The following DSG2 variants were observed in gnomAD, a reference collection of about 807,000 sequenced individuals.
The protein encoded by DSG2 is desmoglein-2.
A neutral mutation model predicts 75.6 loss-of-function variants in DSG2; 45 were observed. The observed-to-expected ratio is 0.60, with a 90% confidence interval of 0.47 to 0.76. DSG2 has a LOEUF of 0.76. Among genes scored for constraint, DSG2 ranks in the 30% least tolerant of loss-of-function variants. The probability of loss-of-function intolerance (pLI) is 0.00; values close to 1 mark genes in which losing one functional copy is unlikely to be tolerated. For missense variants in DSG2, 1,267 were observed against 1,357.4 expected (o/e 0.93, Z 1.05); for synonymous variants, 429 against 483.9 (o/e 0.89, Z 1.49).
At chr18:31,541,760 G>C (rs903258192) in intron 13 of DSG2, among the ~76,000 whole-genome samples, 6 of 152,084 alleles carry the variant, frequency 3.9e-5, no homozygotes, top group African/African-American at 1.4e-4. Flanking sequence ...TCTCTCTGTT[G>C]CACCTTCACC....
At chr18:31,510,585 T>C (rs1207114950) in intron 1 of DSG2, among the ~76,000 whole-genome samples, 1 of 151,412 alleles carries the variant, frequency 6.6e-6, no homozygotes, top group Non-Finnish European at 1.5e-5. Context: ...CTCATGCCTC[T>C]GCAGGAAAAA....
chr18:31,531,891 G>C (rs913621380), intron 9 of DSG2, among the ~76,000 whole-genome samples: 2 of 152,170 alleles, frequency 1.3e-5, no homozygotes, highest in African/African-American at 4.8e-5. Context: ...AATTTTCAAA[G>C]TAAATTTACA....
chr18:31,542,969 T>C, intron 14 of DSG2, 117 bp downstream of exon 14: 1 of 970,760 alleles, frequency 1.0e-6, no homozygotes, highest in Non-Finnish European at 1.5e-6. Context: ...GTTTTTTTTT[T>C]TTTTCTTTTT....
chr18:31,509,639 AAGAAG>A (rs1453195610), intron 1 of DSG2, among the ~76,000 whole-genome samples: 1 of 152,226 alleles, frequency 6.6e-6, no homozygotes, highest in Non-Finnish European at 1.5e-5. Flanking sequence ...AAATAAGATT[AAGAAG>A]AGAAAAGTGC....
chr18:31,533,855 C>A (rs1289403001), intron 9 of DSG2, among the ~76,000 whole-genome samples: 1 of 152,128 alleles, frequency 6.6e-6, no homozygotes, highest in African/African-American at 2.4e-5. Flanking sequence ...TCCTGTGTGC[C>A]TCGAAGCCAC....
chr18:31,526,957 C>G (rs1204855813), intron 8 of DSG2, among the ~76,000 whole-genome samples: 3 of 152,012 alleles, frequency 2.0e-5, no homozygotes, highest in Non-Finnish European at 4.4e-5. Context: ...AAGAAAGTTT[C>G]ATTTTTTTTT....
In DSG2 at chr18:31,545,804, G is replaced by C. The variant is rs751831001; in HGVS notation, c.2418G>C (p.Ser806=). Residue 806 remains serine (S), a synonymous_variant, in exon 15 of 15, where the codon TCG becomes TCC. Transcript: ENST00000261590. ...LLVYSQEETE[S]LNASIGCCSF... is the part of the protein sequence containing the mutation. ...TTTATTCTCAGGAAGAAACTGAATC[G>C]CTGAATGCTTCTATTGGTTGTTGCA... 1.9e-6 allele frequency: 3 copies of C among 1,614,174 alleles called. No individual in the cohort carries two copies.
In DSG2 at chr18:31,519,944, C is replaced by T; in HGVS notation, c.216+7C>T. ...GAAGAATCCAATTGCCAAGGTACCT[C>T]CTAAAGAGGAACATGAAATACATGC... On this transcript the variant is annotated splice_region_variant and intron_variant, in intron 3 of 14. Coordinates refer to ENST00000261590, the MANE Select transcript of DSG2 (RefSeq NM_001943.5). 6.2e-7 allele frequency: 1 copy of T among 1,614,020 alleles called. No individual in the cohort carries two copies. The highest frequency in any genetic ancestry group is 8.5e-7 in the Non-Finnish European group (1 of 1,180,012).
intron 8 of DSG2, among the ~76,000 whole-genome samples, chr18:31,529,259 T>C (rs1297953486): frequency 6.6e-6 from 1 of 152,198 alleles, no homozygotes; most frequent in Non-Finnish European, 1.5e-5. Flanking sequence ...TCCATTTGCT[T>C]TGGAGCATTA....
chr18:31,519,207 G>A (rs898919724), intron 2 of DSG2, among the ~76,000 whole-genome samples: 26 of 152,144 alleles, frequency 1.7e-4, no homozygotes, highest in Admixed American at 5.2e-4. Flanking sequence ...GCTACTAAAT[G>A]ATTCTTTAAA....
Position 31,546,372 on chromosome 18 carries a change from G to C in DSG2, c.2986G>C (p.Gly996Arg). 6.2e-7 allele frequency: 1 copy of C among 1,614,056 alleles called. No homozygotes were observed. The highest frequency in any genetic ancestry group is 2.2e-5 in the East Asian group (1 of 44,882). The stretch of plus-strand genomic sequence containing the variant: ...CACTGAAAGAGTAATACAGCCTCAT[G>C]GGGGTGGATCGAATCCTCTGGAAGG... ...VVTERVIQPH[G>R]GGSNPLEGTQ... The change falls in exon 15 of 15, where the codon GGG (glycine) becomes CGG (arginine). Residue 996 changes from glycine (G) to arginine (R), a missense_variant. Gly to Arg is a moderately radical substitution (Grantham distance 125). Transcript: ENST00000261590.
At chr18:31,514,306 A>G (rs953596937) in intron 1 of DSG2, among the ~76,000 whole-genome samples, 2 of 152,246 alleles carry the variant, frequency 1.3e-5, no homozygotes, top group Non-Finnish European at 1.5e-5. Context: ...AAGTAAAAAC[A>G]TATTTTAAAA....
intron 8 of DSG2, among the ~76,000 whole-genome samples, chr18:31,530,318 T>C (rs1453490266): frequency 6.6e-6 from 1 of 152,166 alleles, no homozygotes; most frequent in Non-Finnish European, 1.5e-5. Context: ...ATAGAACACA[T>C]TTTAAGGAAT....
rs2073134413 is a variant in DSG2 at position 31,522,419 on chromosome 18, T to C, written c.690+170T>C. 3.1e-6 allele frequency: 2 copies of C among 643,150 alleles called. No individual in the cohort carries two copies. The highest frequency in any genetic ancestry group is 2.9e-5 in the East Asian group (1 of 34,708). 39.8% of individuals were successfully genotyped at this position (643,150 alleles called of 1,614,324 possible). A position where few individuals can be genotyped will look rare whatever the true frequency, so the allele number is the denominator to read the frequency against. ...CTGTCCAATATGGGCCATGTGACTATTGAGCACTTAAAATGTGACTGGCCC... is the reference window on the plus strand; with the variant it reads ...CTGTCCAATATGGGCCATGTGACTACTGAGCACTTAAAATGTGACTGGCCC... On this transcript the variant is annotated intron_variant, in intron 6 of 14. Coordinates refer to ENST00000261590, the MANE Select transcript of DSG2 (RefSeq NM_001943.5).
intron 8 of DSG2, among the ~76,000 whole-genome samples, chr18:31,526,335 ACT>A (rs758479815): frequency 6.6e-6 from 1 of 152,208 alleles, no homozygotes; most frequent in African/African-American, 2.4e-5. Context: ...ACTGGGTAAA[ACT>A]CTGACAGTGG....
At chr18:31,511,835 G>A (rs2073068721) in intron 1 of DSG2, among the ~76,000 whole-genome samples, 1 of 152,152 alleles carries the variant, frequency 6.6e-6, no homozygotes, top group South Asian at 2.1e-4. Context: ...TGAAGAAACA[G>A]ATTGCCAGCA....
chr18:31,543,751 A>G (rs1207170250), intron 14 of DSG2, among the ~76,000 whole-genome samples: 2 of 152,074 alleles, frequency 1.3e-5, no homozygotes, highest in Non-Finnish European at 2.9e-5. Flanking sequence ...CTGTAGTCCC[A>G]GCTACTCAGA....
In DSG2 at chr18:31,539,070, G is replaced by C. The variant is rs551387961; in HGVS notation, c.1879+92G>C. 3.1e-6 allele frequency: 4 copies of C among 1,282,756 alleles called. No homozygotes were observed. The South Asian group carries it at 4.8e-5, about 15-fold the overall frequency. The allele number at this position is 1,282,756 out of a possible 1,614,324, so 79.5% of individuals were successfully genotyped here. On this transcript the variant is annotated intron_variant, in intron 12 of 14. Coordinates refer to ENST00000261590, the MANE Select transcript of DSG2 (RefSeq NM_001943.5). ...TATGGTAGTCATTGATTTCTTCACAGTTATTCTTTAACCACACTAGAGCAC... is the reference window on the plus strand; with the variant it reads ...TATGGTAGTCATTGATTTCTTCACACTTATTCTTTAACCACACTAGAGCAC...
intron 12 of DSG2, among the ~76,000 whole-genome samples, chr18:31,539,316 C>A: frequency 6.6e-6 from 1 of 152,078 alleles, no homozygotes; most frequent in East Asian, 1.9e-4. Flanking sequence ...TGGAACAGAG[C>A]CTTGCATGTA....
Sources: gnomAD v4.1 joint callset for allele counts (sites outside exome capture counted in the v4.1 genomes callset) on GRCh38, gnomAD v4.1.1 for gene constraint, MANE v1.5 for transcripts, NCBI Gene and HGNC (gene_info 2026-07-23, HGNC 2026-07-21) for gene names.